HEMK2: variants seen among roughly 807,000 people sequenced by gnomAD.
HEMK2 encodes the protein HemK methyltransferase 2, ETF1 glutamine and histone H4 lysine.
the HEMK2 span, among the ~76,000 whole-genome samples, chr21:28,581,644 C>T: frequency 6.6e-6 from 1 of 152,292 alleles, no homozygotes; most frequent in Non-Finnish European, 1.5e-5. Flanking sequence ...CTAGGAGAGA[C>T]AGGGAAAAGG....
the HEMK2 span, among the ~76,000 whole-genome samples, chr21:28,846,904 G>C: frequency 8.5e-5 from 13 of 152,118 alleles, no homozygotes; most frequent in Admixed American, 2.6e-4. Flanking sequence ...TTCTGTTCCT[G>C]CATTAGTTCG....
At chr21:28,778,577 T>C in the HEMK2 span, among the ~76,000 whole-genome samples, 1 of 152,218 alleles carries the variant, frequency 6.6e-6, no homozygotes. Flanking sequence ...GTTCTCTGCA[T>C]CCTTGCCAGC....
At chr21:28,763,520 C>T in the HEMK2 span, among the ~76,000 whole-genome samples, 1 of 152,192 alleles carries the variant, frequency 6.6e-6, no homozygotes, top group African/African-American at 2.4e-5. Flanking sequence ...TCCCACCAGG[C>T]CCCACCTCCA....
the HEMK2 span, among the ~76,000 whole-genome samples, chr21:28,655,671 A>G: frequency 2.6e-5 from 4 of 152,054 alleles, no homozygotes; most frequent in Non-Finnish European, 4.4e-5. Context: ...AATAATATCT[A>G]CTTCATAGGA....
the HEMK2 span, among the ~76,000 whole-genome samples, chr21:28,778,521 G>T: frequency 6.6e-6 from 1 of 152,186 alleles, no homozygotes; most frequent in African/African-American, 2.4e-5. Context: ...TCTTCAGAGT[G>T]GTTGTCCCAT....
the HEMK2 span, among the ~76,000 whole-genome samples, chr21:28,845,649 CTAAG>C: frequency 3.3e-5 from 5 of 151,638 alleles, no homozygotes; most frequent in Non-Finnish European, 5.9e-5. Flanking sequence ...TGATTTATTC[CTAAG>C]TATTTTATAT....
chr21:28,612,532 A>T, the HEMK2 span, among the ~76,000 whole-genome samples: 1 of 152,194 alleles, frequency 6.6e-6, no homozygotes, highest in Non-Finnish European at 1.5e-5. Context: ...CAAGGCAAGG[A>T]TGCCCACTTT....
the HEMK2 span, among the ~76,000 whole-genome samples, chr21:28,783,072 A>AT: frequency 6.6e-6 from 1 of 152,134 alleles, no homozygotes; most frequent in African/African-American, 2.4e-5. Flanking sequence ...TGGATTTTGG[A>AT]TTTTTTTCAG....
At chr21:28,695,784 GT>G in the HEMK2 span, among the ~76,000 whole-genome samples, 1 of 92,422 alleles carries the variant, frequency 1.1e-5, no homozygotes, top group South Asian at 3.0e-4. Flanking sequence ...CCCAAAGTAA[GT>G]CTTACTTAAC....
chr21:28,740,443 C>A, the HEMK2 span, among the ~76,000 whole-genome samples: 1 of 152,222 alleles, frequency 6.6e-6, no homozygotes, highest in Non-Finnish European at 1.5e-5. Context: ...CTGCAGATTT[C>A]AGCCTACTTT....
the HEMK2 span, among the ~76,000 whole-genome samples, chr21:28,720,773 G>A: frequency 4.6e-5 from 7 of 152,134 alleles, no homozygotes; most frequent in Admixed American, 4.6e-4. Context: ...AGGTTTTGAT[G>A]GGCTCCACCG....
the HEMK2 span, among the ~76,000 whole-genome samples, chr21:28,589,371 T>C: frequency 9.2e-5 from 14 of 152,130 alleles, no homozygotes; most frequent in African/African-American, 2.4e-4. Context: ...CATATAACTA[T>C]ATTATAAATA....
chr21:28,841,314 TA>T, the HEMK2 span, among the ~76,000 whole-genome samples: 7 of 15,136 alleles, frequency 4.6e-4, 1 homozygote, highest in East Asian at 0.012. Context: ...ATATAATATA[TA>T]ATATATATTA....
At chr21:28,780,138 T>A in the HEMK2 span, among the ~76,000 whole-genome samples, 4 of 152,170 alleles carry the variant, frequency 2.6e-5, no homozygotes, top group African/African-American at 9.6e-5. Context: ...TAATGAGACA[T>A]CACTGGGTTC....
the HEMK2 span, among the ~76,000 whole-genome samples, chr21:28,830,480 A>G: frequency 3.7e-4 from 56 of 152,342 alleles, no homozygotes; most frequent in African/African-American, 1.3e-3. Context: ...CTGTGAGTCA[A>G]TTAAACCTCT....
chr21:28,706,783 CCA>C, the HEMK2 span, among the ~76,000 whole-genome samples: 1 of 98,330 alleles, frequency 1.0e-5, no homozygotes, highest in African/African-American at 7.7e-5. Flanking sequence ...TCACTCTGAA[CCA>C]CAAAAAAACT....
chr21:28,644,286 G>T, the HEMK2 span, among the ~76,000 whole-genome samples: 1 of 152,164 alleles, frequency 6.6e-6, no homozygotes, highest in South Asian at 2.1e-4. Flanking sequence ...GATCTCATGA[G>T]AATTCACCCA....
At chr21:28,675,147 C>A in the HEMK2 span, among the ~76,000 whole-genome samples, 173 of 152,298 alleles carry the variant, frequency 1.1e-3, no homozygotes, top group South Asian at 2.3e-3. Context: ...TTCCAAACAA[C>A]TGGCTTATTT....
chr21:28,715,507 T>G, the HEMK2 span, among the ~76,000 whole-genome samples: 1 of 152,178 alleles, frequency 6.6e-6, no homozygotes, highest in Non-Finnish European at 1.5e-5. Context: ...TTTTTGTTTG[T>G]TGAATTAAAT....
Sources: allele counts gnomAD v4.1 joint callset (sites outside exome capture counted in the v4.1 genomes callset), GRCh38; gene constraint gnomAD v4.1.1; transcripts MANE v1.5; gene names NCBI Gene and HGNC (gene_info 2026-07-23, HGNC 2026-07-21).